Variants in DENND1B observed in about 807,000 individuals in gnomAD.
DENND1B encodes DENN domain containing 1B, also known as DENN domain-containing protein 1B.
DENND1B carries 59 observed loss-of-function variants against 90.1 expected under a neutral mutation model. The observed-to-expected ratio is 0.65, with a 90% CI of 0.53 to 0.81. DENND1B has a LOEUF of 0.81. DENND1B is among the 40% of genes least tolerant of loss of function. The pLI, the probability that DENND1B is intolerant of heterozygous loss-of-function variation, is 0.00. For synonymous variants in DENND1B, 337 were observed against 324.6 expected, an observed-to-expected ratio of 1.04 and a Z score of -0.41; for missense variants, 862 against 912.6, an observed-to-expected ratio of 0.94 and a Z score of 0.71.
chr1:197,680,979 T>C (rs1194472120), intron 3 of DENND1B, among the ~76,000 whole-genome samples: 2 of 152,142 alleles, frequency 1.3e-5, no homozygotes, highest in Non-Finnish European at 2.9e-5. Context: ...CCCCAACAAC[T>C]GTTAGCTCTT....
chr1:197,680,878 GATTT>G (rs1259254065), intron 3 of DENND1B, among the ~76,000 whole-genome samples: 1 of 151,750 alleles, frequency 6.6e-6, no homozygotes, highest in Non-Finnish European at 1.5e-5. Flanking sequence ...ATCACACAAG[GATTT>G]ATTTGAGGAA....
chr1:197,735,674 C>CGGTA (rs1347772652), intron 2 of DENND1B: 1 of 1,614,048 alleles, frequency 6.2e-7, no homozygotes, highest in Non-Finnish European at 8.5e-7. Context: ...GGTACAAGGT[C>CGGTA]TACCCCGGAC....
At chr1:197,689,472 C>T (rs1042957611) in intron 3 of DENND1B, 6 of 152,170 alleles carry the variant, frequency 3.9e-5, no homozygotes, top group Admixed American at 3.9e-4. Context: ...ATCAAATTGA[C>T]TGTGCTATCC....
At chr1:197,641,195 A>G (rs1251491710) in intron 10 of DENND1B, among the ~76,000 whole-genome samples, 4 of 152,220 alleles carry the variant, frequency 2.6e-5, no homozygotes, top group East Asian at 1.9e-4. Flanking sequence ...TAATCCTGAT[A>G]AAATTTAGTT....
intron 2 of DENND1B, among the ~76,000 whole-genome samples, chr1:197,765,361 G>A (rs995003034): frequency 9.2e-5 from 14 of 152,276 alleles, no homozygotes; most frequent in African/African-American, 3.1e-4. Context: ...GCTCAAATGT[G>A]ATATTCTCAT....
chr1:197,529,112 A>G (rs1013734492), intron 20 of DENND1B, among the ~76,000 whole-genome samples: 1 of 149,438 alleles, frequency 6.7e-6, no homozygotes, highest in East Asian at 2.0e-4. Context: ...ATAACTTTCC[A>G]CTCATTTTCT....
chr1:197,720,751 C>T (rs1228562297), intron 2 of DENND1B, among the ~76,000 whole-genome samples: 1 of 152,076 alleles, frequency 6.6e-6, no homozygotes, highest in African/African-American at 2.4e-5. Context: ...TAATAAAAAG[C>T]TTCACTGATC....
At chr1:197,659,220 T>C (rs1436838247) in intron 5 of DENND1B, among the ~76,000 whole-genome samples, 2 of 151,588 alleles carry the variant, frequency 1.3e-5, no homozygotes, top group African/African-American at 4.8e-5. Flanking sequence ...TACATAATTG[T>C]ACACAGATTA....
intron 3 of DENND1B, among the ~76,000 whole-genome samples, chr1:197,694,235 C>G (rs1385532947): frequency 6.6e-6 from 1 of 151,022 alleles, no homozygotes; most frequent in Non-Finnish European, 1.5e-5. Context: ...AGAAAAATTC[C>G]CCTAAAAGTC....
intron 16 of DENND1B, among the ~76,000 whole-genome samples, chr1:197,551,578 A>G (rs1671246487): frequency 6.6e-6 from 1 of 152,090 alleles, no homozygotes; most frequent in African/African-American, 2.4e-5. Flanking sequence ...TCTCTACTCT[A>G]TTCAGAGGTA....
chr1:197,633,403 T>G (rs985110324), intron 10 of DENND1B, among the ~76,000 whole-genome samples: 2 of 152,168 alleles, frequency 1.3e-5, no homozygotes, highest in Non-Finnish European at 2.9e-5. Flanking sequence ...ACTCTGGATA[T>G]TTTTCCTTTT....
chr1:197,594,654 A>G (rs1675528987), intron 14 of DENND1B, among the ~76,000 whole-genome samples: 1 of 152,170 alleles, frequency 6.6e-6, no homozygotes, highest in Non-Finnish European at 1.5e-5. Flanking sequence ...CTTGGCTATA[A>G]TTCTACACAA....
intron 2 of DENND1B, among the ~76,000 whole-genome samples, chr1:197,756,384 G>A (rs537055978): frequency 6.6e-6 from 1 of 151,958 alleles, no homozygotes; most frequent in East Asian, 1.9e-4. Flanking sequence ...AGACCAGCCC[G>A]GCCAACAAAG....
chr1:197,616,315 G>A (rs1375707369), intron 11 of DENND1B, among the ~76,000 whole-genome samples: 1 of 150,888 alleles, frequency 6.6e-6, no homozygotes, highest in Non-Finnish European at 1.5e-5. Flanking sequence ...CTCCCTTTAA[G>A]GAATGCTAAA....
At chr1:197,718,158 T>C (rs1267264450) in intron 2 of DENND1B, among the ~76,000 whole-genome samples, 1 of 152,004 alleles carries the variant, frequency 6.6e-6, no homozygotes, top group East Asian at 1.9e-4. Context: ...TTTTAAATAA[T>C]TTCCAATAAT....
chr1:197,780,183 G>A (rs1280926303), upstream of DENND1B, among the ~76,000 whole-genome samples: 1 of 152,128 alleles, frequency 6.6e-6, no homozygotes, highest in Non-Finnish European at 1.5e-5. Flanking sequence ...CCTTTGGGGT[G>A]TATCAGCTTT....
intron 19 of DENND1B, 97 bp downstream of exon 19, chr1:197,540,862 C>A: frequency 8.5e-7 from 1 of 1,172,076 alleles, no homozygotes; most frequent in Non-Finnish European, 1.2e-6. Context: ...AAGCATATTT[C>A]AAATGTCATT....
chr1:197,588,602 G>A (rs1674918322), intron 14 of DENND1B, among the ~76,000 whole-genome samples: 1 of 152,120 alleles, frequency 6.6e-6, no homozygotes, highest in African/African-American at 2.4e-5. Flanking sequence ...AAGCAAAAAT[G>A]TCTGCATATT....
At chr1:197,621,181 C>T (rs1239779626) in intron 10 of DENND1B, among the ~76,000 whole-genome samples, 2 of 151,280 alleles carry the variant, frequency 1.3e-5, no homozygotes, top group Non-Finnish European at 3.0e-5. Context: ...CCTTCTAGGA[C>T]ACGGCAAAGA....
Sources: allele counts gnomAD v4.1 joint callset (sites outside exome capture counted in the v4.1 genomes callset), GRCh38; gene constraint gnomAD v4.1.1; transcripts MANE v1.5; gene names NCBI Gene and HGNC (gene_info 2026-07-23, HGNC 2026-07-21).